Variants in AUTS2 observed in about 807,000 individuals in gnomAD.
AUTS2 encodes the protein activator of transcription and developmental regulator AUTS2.
Under a neutral mutation model 112.4 loss-of-function variants are expected in AUTS2, and 17 were observed. The observed-to-expected ratio is 0.15, with a 90% CI of 0.10 to 0.23. The LOEUF (loss-of-function observed/expected upper bound fraction) is 0.23, where lower values mean the gene tolerates loss of function less well. Ranked by LOEUF, AUTS2 falls within the 10% of genes least tolerant of loss-of-function variation. The pLI, the probability that AUTS2 is intolerant of heterozygous loss-of-function variation, is 1.00. For missense variants in AUTS2, 1,510 were observed against 1,701.6 expected (o/e 0.89, Z 1.98); for synonymous variants, 751 against 702.7 (o/e 1.07, Z -1.09).
At chr7:70,707,754 G>C (rs1399079061) in intron 6 of AUTS2, among the ~76,000 whole-genome samples, 2 of 152,118 alleles carry the variant, frequency 1.3e-5, no homozygotes, top group African/African-American at 4.8e-5. Flanking sequence ...TCAGCTTAAG[G>C]CACCTCCAGT....
chr7:70,355,761 A>T (rs951492079), intron 4 of AUTS2, among the ~76,000 whole-genome samples: 2 of 152,124 alleles, frequency 1.3e-5, no homozygotes, highest in Admixed American at 6.5e-5. Flanking sequence ...GATATATGAC[A>T]CTAATATAGG....
At chr7:70,038,748 TC>T (rs1211170095) in intron 2 of AUTS2, among the ~76,000 whole-genome samples, 1 of 152,076 alleles carries the variant, frequency 6.6e-6, no homozygotes, top group African/African-American at 2.4e-5. Context: ...GGCATCACTT[TC>T]CTGAGCCCTG....
chr7:69,820,826 AC>A (rs1007363659), intron 1 of AUTS2, among the ~76,000 whole-genome samples: 2 of 152,228 alleles, frequency 1.3e-5, no homozygotes, highest in African/African-American at 4.8e-5. Flanking sequence ...GTGAAAACAC[AC>A]ACACACTCCG....
Position 70,033,333 on chromosome 7 carries a change from A to G in AUTS2, c.523-84799A>G, listed in dbSNP as rs542278202. Among the ~76,000 whole-genome samples the G allele has an allele frequency of 3.2e-4, 48 of 152,292 alleles. 1 individual carries two copies. Among genetic ancestry groups the G allele is most frequent in the South Asian group, 3.1e-3 (15 of 4,818 alleles). The stretch of plus-strand genomic sequence containing the variant: ...GTATAGTGAGTATGCATATGTTTGT[A>G]AAAGTATAATGTGTGTGATCCAACT... On this transcript the variant is annotated intron_variant, in intron 2 of 18. Transcript: ENST00000342771.
intron 9 of AUTS2, 31 bp from the exon 10 acceptor site, chr7:70,767,993 G>A (rs1563184604): frequency 6.2e-7 from 1 of 1,608,510 alleles, no homozygotes; most frequent in Non-Finnish European, 8.5e-7. Context: ...TGCAGATTAA[G>A]TAACTAGCTT....
At chr7:70,714,173 T>C (rs982794423) in intron 6 of AUTS2, among the ~76,000 whole-genome samples, 2 of 152,236 alleles carry the variant, frequency 1.3e-5, no homozygotes, top group Non-Finnish European at 2.9e-5. Context: ...AATTTTATCA[T>C]GAATCGGGAG....
chr7:69,904,053 T>A (rs559947359), intron 2 of AUTS2, among the ~76,000 whole-genome samples: 1 of 152,180 alleles, frequency 6.6e-6, no homozygotes, highest in Non-Finnish European at 1.5e-5. Context: ...TTAGAGTGAT[T>A]ACTAGAACTC....
At chr7:70,670,323 A>T (rs1807569044) in intron 5 of AUTS2, among the ~76,000 whole-genome samples, 1 of 152,258 alleles carries the variant, frequency 6.6e-6, no homozygotes. Flanking sequence ...GCAGCGTCTT[A>T]GTCAAATTAT....
At chr7:70,608,122 G>C (rs1803879585) in intron 5 of AUTS2, among the ~76,000 whole-genome samples, 1 of 151,944 alleles carries the variant, frequency 6.6e-6, no homozygotes, top group Non-Finnish European at 1.5e-5. Context: ...TTTATTTTTA[G>C]AGGTAGGGTC....
chr7:70,480,019 A>G (rs559072656), intron 5 of AUTS2, among the ~76,000 whole-genome samples: 1 of 152,220 alleles, frequency 6.6e-6, no homozygotes, highest in African/African-American at 2.4e-5. Flanking sequence ...GTGATGCCTG[A>G]GGCAGAGTAT....
intron 2 of AUTS2, among the ~76,000 whole-genome samples, chr7:69,969,921 ATT>A (rs1393138568): frequency 6.6e-6 from 1 of 152,186 alleles, no homozygotes; most frequent in African/African-American, 2.4e-5. Context: ...TAGGAAGATG[ATT>A]TAATCAGTCT....
At chr7:69,808,365 A>G (rs1383648414) in intron 1 of AUTS2, among the ~76,000 whole-genome samples, 1 of 152,250 alleles carries the variant, frequency 6.6e-6, no homozygotes, top group Non-Finnish European at 1.5e-5. Context: ...AATGATTTTT[A>G]TACACACTTA....
At chr7:69,833,738 A>G (rs1300995561) in intron 1 of AUTS2, among the ~76,000 whole-genome samples, 1 of 152,170 alleles carries the variant, frequency 6.6e-6, no homozygotes, top group Non-Finnish European at 1.5e-5. Context: ...CCCGGCAATT[A>G]TCCTGATATT....
At chr7:70,442,527 G>A (rs1796160511) in intron 5 of AUTS2, among the ~76,000 whole-genome samples, 2 of 152,108 alleles carry the variant, frequency 1.3e-5, no homozygotes, top group African/African-American at 4.8e-5. Flanking sequence ...GTCTCGCTCT[G>A]TCACCCAGGC....
chr7:70,317,632 ACTG>A (rs1302021436), intron 4 of AUTS2, among the ~76,000 whole-genome samples: 1 of 152,178 alleles, frequency 6.6e-6, no homozygotes. Context: ...GTGTTTATCA[ACTG>A]CTTTCCAACC....
intron 1 of AUTS2, among the ~76,000 whole-genome samples, chr7:69,894,253 T>TTTG: frequency 5.4e-5 from 1 of 18,360 alleles, no homozygotes; most frequent in African/African-American, 2.3e-4. Flanking sequence ...CCTTAAAGCG[T>TTTG]TTTTTTTTTT....
intron 2 of AUTS2, among the ~76,000 whole-genome samples, chr7:70,100,016 A>G (rs1028258471): frequency 2.0e-5 from 3 of 152,184 alleles, no homozygotes; most frequent in Admixed American, 1.3e-4. Context: ...AAAAAATGAC[A>G]AATATGTATT....
intron 6 of AUTS2, among the ~76,000 whole-genome samples, chr7:70,741,421 G>A (rs1363995473): frequency 6.6e-6 from 1 of 152,140 alleles, no homozygotes; most frequent in African/African-American, 2.4e-5. Context: ...GCCGGGCGCG[G>A]TGGCTTACGC....
At chr7:70,155,285 A>G (rs1290767430) in intron 4 of AUTS2, among the ~76,000 whole-genome samples, 2 of 152,284 alleles carry the variant, frequency 1.3e-5, no homozygotes, top group East Asian at 3.9e-4. Flanking sequence ...TCAGGATTCT[A>G]CTTTCAAGAG....
Sources: gnomAD v4.1 joint callset for allele counts (sites outside exome capture counted in the v4.1 genomes callset) on GRCh38, gnomAD v4.1.1 for gene constraint, MANE v1.5 for transcripts, NCBI Gene and HGNC (gene_info 2026-07-23, HGNC 2026-07-21) for gene names.